The following LUZP2 variants were observed in gnomAD, a reference collection of about 807,000 sequenced individuals.
LUZP2 encodes the protein leucine zipper protein 2.
LUZP2 carries 52 observed loss-of-function variants against 51.6 expected under a neutral mutation model. The observed-to-expected ratio is 1.01, with a 90% CI of 0.81 to 1.27. LUZP2 has a LOEUF of 1.27. Ranked by LOEUF, LUZP2 falls within the 50% of genes most tolerant of loss-of-function variation. The pLI is 0.00. For synonymous variants in LUZP2, 154 were observed against 137.3 expected, an observed-to-expected ratio of 1.12 and a Z score of -0.85; for missense variants, 436 against 395.4, an observed-to-expected ratio of 1.10 and a Z score of -0.87.
At chr11:24,646,182 T>A (rs1565050522) in intron 1 of LUZP2, among the ~76,000 whole-genome samples, 1 of 152,108 alleles carries the variant, frequency 6.6e-6, no homozygotes, top group African/African-American at 2.4e-5. Flanking sequence ...CAATGAATGT[T>A]GCTTTCTGTG....
At chr11:24,642,026 A>T (rs997278895) in intron 1 of LUZP2, among the ~76,000 whole-genome samples, 1 of 151,700 alleles carries the variant, frequency 6.6e-6, no homozygotes, top group African/African-American at 2.4e-5. Context: ...AGTAGCTGGG[A>T]CTACAGGTGC....
At chr11:25,035,188 C>T (rs1017128797) in intron 9 of LUZP2, among the ~76,000 whole-genome samples, 3 of 151,998 alleles carry the variant, frequency 2.0e-5, no homozygotes, top group African/African-American at 7.2e-5. Context: ...CCAGTCAGAG[C>T]AATCGGGCAA....
intron 7 of LUZP2, among the ~76,000 whole-genome samples, chr11:24,966,369 C>T (rs979388186): frequency 1.3e-5 from 2 of 151,016 alleles, no homozygotes; most frequent in African/African-American, 2.4e-5. Flanking sequence ...TTTTCATTCT[C>T]TCTGTAGTGT....
At chr11:24,673,263 G>A (rs139362809) in intron 1 of LUZP2, among the ~76,000 whole-genome samples, 5 of 152,236 alleles carry the variant, frequency 3.3e-5, no homozygotes, top group African/African-American at 1.2e-4. Context: ...TATTATGGAA[G>A]CACTGTCATA....
chr11:24,899,751 T>C (rs1171029871), intron 5 of LUZP2, among the ~76,000 whole-genome samples: 2 of 152,080 alleles, frequency 1.3e-5, no homozygotes, highest in South Asian at 2.1e-4. Context: ...CTAAAAGACA[T>C]AACAATTCTT....
intron 9 of LUZP2, among the ~76,000 whole-genome samples, chr11:25,018,446 A>G (rs1857228755): frequency 6.6e-6 from 1 of 151,988 alleles, no homozygotes; most frequent in African/African-American, 2.4e-5. Flanking sequence ...CATTATTTAG[A>G]ATTCTCTCAT....
rs952950698 is a variant in LUZP2, at chr11:24,758,461, A to G, written c.334-4785A>G. Reference sequence around the variant, plus strand: ...GGGATCAACACTTAAAAATTTTGGTAAAGATTCAAATAAAATCCTTTGTAG... The same window carrying G: ...GGGATCAACACTTAAAAATTTTGGTGAAGATTCAAATAAAATCCTTTGTAG... On this transcript the variant is annotated intron_variant, in intron 4 of 11. Transcript: ENST00000336930. Among the ~76,000 whole-genome samples, 10 of 152,134 alleles carry G rather than the reference A, an allele frequency of 6.6e-5. No individual in the cohort carries two copies. The South Asian group carries it at 2.1e-3, about 31-fold the overall frequency.
At chr11:24,588,575 A>G (rs779900077) in intron 1 of LUZP2, among the ~76,000 whole-genome samples, 8 of 152,092 alleles carry the variant, frequency 5.3e-5, no homozygotes, top group Non-Finnish European at 1.2e-4. Flanking sequence ...AATTCAGCCT[A>G]TTACCCATCT....
At chr11:24,926,293 GTA>G (rs542672344) in intron 7 of LUZP2, among the ~76,000 whole-genome samples, 7 of 129,268 alleles carry the variant, frequency 5.4e-5, no homozygotes, top group Non-Finnish European at 8.0e-5. Context: ...ATATACGTGT[GTA>G]TATATATACG....
intron 1 of LUZP2, among the ~76,000 whole-genome samples, chr11:24,556,373 T>C (rs1438796835): frequency 6.6e-6 from 1 of 151,016 alleles, no homozygotes; most frequent in East Asian, 1.9e-4. Flanking sequence ...TCTAATAGTT[T>C]CCCTCAAAGA....
intron 7 of LUZP2, among the ~76,000 whole-genome samples, chr11:24,939,271 A>G (rs1451987825): frequency 6.6e-6 from 1 of 152,058 alleles, no homozygotes; most frequent in East Asian, 1.9e-4. Flanking sequence ...CACAGTTGAC[A>G]TTTTCTGGTA....
At chr11:24,586,360 A>AT (rs1215234616) in intron 1 of LUZP2, among the ~76,000 whole-genome samples, 2 of 151,920 alleles carry the variant, frequency 1.3e-5, no homozygotes, top group African/African-American at 4.8e-5. Context: ...TTAGAGTTGT[A>AT]TTTTTTATTT....
chr11:24,716,294 T>A (rs564012814), intron 1 of LUZP2, among the ~76,000 whole-genome samples: 1 of 152,324 alleles, frequency 6.6e-6, no homozygotes, highest in Non-Finnish European at 1.5e-5. Context: ...AGCTTTGAAT[T>A]TTATGAAATT....
At chr11:24,820,529 T>C (rs756457494) in intron 5 of LUZP2, among the ~76,000 whole-genome samples, 32 of 152,124 alleles carry the variant, frequency 2.1e-4, no homozygotes, top group South Asian at 4.1e-4. Context: ...GGTAATTTGA[T>C]ACTCATGTGA....
intron 1 of LUZP2, among the ~76,000 whole-genome samples, chr11:24,606,151 G>A (rs556815302): frequency 6.6e-6 from 1 of 151,644 alleles, no homozygotes; most frequent in South Asian, 2.1e-4. Flanking sequence ...TTATGTGTAT[G>A]TGTATGTGGG....
At chr11:25,063,773 A>G (rs1858918943) in intron 10 of LUZP2, among the ~76,000 whole-genome samples, 1 of 151,836 alleles carries the variant, frequency 6.6e-6, no homozygotes, top group Non-Finnish European at 1.5e-5. Flanking sequence ...AAAAATACAT[A>G]TGATTTATTG....
At chr11:24,642,142 C>T (rs1351249420) in intron 1 of LUZP2, among the ~76,000 whole-genome samples, 1 of 151,706 alleles carries the variant, frequency 6.6e-6, no homozygotes, top group African/African-American at 2.4e-5. Context: ...CCAGCCTTGG[C>T]CTCCAAAAGT....
At chr11:24,502,985 C>T (rs1265198363) in intron 1 of LUZP2, among the ~76,000 whole-genome samples, 1 of 151,964 alleles carries the variant, frequency 6.6e-6, no homozygotes, top group Non-Finnish European at 1.5e-5. Flanking sequence ...TTAAAAGGTA[C>T]AAATGTTTAG....
chr11:24,555,051 C>T (rs1851825677), intron 1 of LUZP2, among the ~76,000 whole-genome samples: 1 of 152,094 alleles, frequency 6.6e-6, no homozygotes, highest in African/African-American at 2.4e-5. Context: ...CATTGATGCA[C>T]TGTGTAGATC....
Sources: gnomAD v4.1 joint callset for allele counts (sites outside exome capture counted in the v4.1 genomes callset) on GRCh38, gnomAD v4.1.1 for gene constraint, MANE v1.5 for transcripts, NCBI Gene and HGNC (gene_info 2026-07-23, HGNC 2026-07-21) for gene names.